Variants in PHF24 observed in about 807,000 individuals in gnomAD.
PHF24 encodes the protein Galpha inhibitory interacting protein.
A neutral mutation model predicts 42.6 loss-of-function variants in PHF24; 25 were observed. The observed-to-expected ratio is 0.59, with a 90% CI of 0.43 to 0.82. PHF24 has a LOEUF of 0.82. Ranked by LOEUF, PHF24 falls within the 40% of genes least tolerant of loss-of-function variation. The pLI, the probability that PHF24 is intolerant of heterozygous loss-of-function variation, is 0.00. For synonymous variants in PHF24, 185 were observed against 204.8 expected (o/e 0.90, Z 0.83); for missense variants, 470 against 538.1 (o/e 0.87, Z 1.25).
chr9:34,751,461 CATTATATA>C, the PHF24 span, among the ~76,000 whole-genome samples: 6 of 152,004 alleles, frequency 3.9e-5, no homozygotes, highest in Non-Finnish European at 8.8e-5. Flanking sequence ...CAAAGAAGGT[CATTATATA>C]ATAATGAAGG....
the PHF24 span, among the ~76,000 whole-genome samples, chr9:34,864,509 GA>G: frequency 9.4e-5 from 14 of 148,730 alleles, no homozygotes; most frequent in Admixed American, 5.4e-4. Flanking sequence ...AGTGCTGAAG[GA>G]AAAAAAAAAC....
chr9:34,926,463 G>A, the PHF24 span, among the ~76,000 whole-genome samples: 17 of 152,178 alleles, frequency 1.1e-4, no homozygotes, highest in Non-Finnish European at 2.5e-4. This position sits in a 1 kb window ranked among gnomAD's most constrained non-coding sequence, Gnocchi z 4.3. Flanking sequence ...GTGATTCATG[G>A]GACATTTTCT....
chr9:34,935,115 G>A, the PHF24 span, among the ~76,000 whole-genome samples: 1 of 152,210 alleles, frequency 6.6e-6, no homozygotes, highest in East Asian at 1.9e-4. Context: ...AGCAAGTGAA[G>A]ATTGTTTACT....
intron 1 of PHF24, among the ~76,000 whole-genome samples, chr9:34,959,232 AT>A (rs1826505432): frequency 6.6e-6 from 1 of 152,228 alleles, no homozygotes; most frequent in Non-Finnish European, 1.5e-5. Flanking sequence ...ATCAGGTGGA[AT>A]AACTGACTTT....
chr9:34,795,003 C>T, the PHF24 span, among the ~76,000 whole-genome samples: 1 of 151,748 alleles, frequency 6.6e-6, no homozygotes, highest in Non-Finnish European at 1.5e-5. Context: ...GGAATAAATA[C>T]AAAGAAATTT....
At chr9:34,960,592 C>G (rs2132852716) in intron 1 of PHF24, among the ~76,000 whole-genome samples, 2 of 152,248 alleles carry the variant, frequency 1.3e-5, no homozygotes, top group South Asian at 4.1e-4. Context: ...AAGATATGAT[C>G]TTTGTTCCAG....
chr9:34,665,824 G>A, the PHF24 span: 2 of 612,340 alleles, frequency 3.3e-6, no homozygotes, highest in Non-Finnish European at 5.8e-6. Context: ...GACAGGGTGG[G>A]CTTGGAGATT....
At chr9:34,797,626 C>T in the PHF24 span, among the ~76,000 whole-genome samples, 1 of 152,008 alleles carries the variant, frequency 6.6e-6, no homozygotes, top group Non-Finnish European at 1.5e-5. Context: ...GGTGTGCTCC[C>T]CTCAATGGCT....
chr9:34,894,253 C>G, the PHF24 span, among the ~76,000 whole-genome samples: 1 of 152,116 alleles, frequency 6.6e-6, no homozygotes, highest in South Asian at 2.1e-4. Context: ...AATTGGGTGA[C>G]CCTTCCCTCC....
the PHF24 span, among the ~76,000 whole-genome samples, chr9:34,686,609 G>C: frequency 6.6e-6 from 1 of 152,218 alleles, no homozygotes; most frequent in African/African-American, 2.4e-5. Flanking sequence ...CAAAGGCTAA[G>C]AGCAACCTGA....
the PHF24 span, among the ~76,000 whole-genome samples, chr9:34,909,859 C>T: frequency 4.6e-5 from 7 of 152,142 alleles, no homozygotes; most frequent in African/African-American, 1.7e-4. Context: ...CATCTTCTGA[C>T]CTCGTGATCT....
chr9:34,695,509 A>G, the PHF24 span, among the ~76,000 whole-genome samples: 1 of 152,186 alleles, frequency 6.6e-6, no homozygotes, highest in Admixed American at 6.5e-5. Context: ...TGGGTTGTGG[A>G]AACCCTTATT....
chr9:34,760,928 G>A, the PHF24 span, among the ~76,000 whole-genome samples: 1 of 151,950 alleles, frequency 6.6e-6, no homozygotes. Flanking sequence ...GGAGGTAGAG[G>A]CTGCAGTGAG....
chr9:34,859,723 C>A, the PHF24 span, among the ~76,000 whole-genome samples: 1 of 152,208 alleles, frequency 6.6e-6, no homozygotes, highest in South Asian at 2.1e-4. Flanking sequence ...ATTAGGCAGA[C>A]CCATAACTAT....
At chr9:34,797,489 A>T in the PHF24 span, among the ~76,000 whole-genome samples, 2 of 152,106 alleles carry the variant, frequency 1.3e-5, no homozygotes, top group Non-Finnish European at 2.9e-5. Context: ...TGGATTGGGA[A>T]GGTTCTCCCC....
the PHF24 span, among the ~76,000 whole-genome samples, chr9:34,874,759 T>C: frequency 2.6e-5 from 4 of 152,188 alleles, no homozygotes; most frequent in African/African-American, 9.7e-5. Context: ...GTAGTGTCCG[T>C]TTTCACTAGA....
chr9:34,671,510 T>C, the PHF24 span, among the ~76,000 whole-genome samples: 72 of 152,336 alleles, frequency 4.7e-4, no homozygotes, highest in African/African-American at 1.7e-3. Flanking sequence ...TTGGGTTTTA[T>C]ACCCCAGGGC....
At chr9:34,865,103 C>T in the PHF24 span, among the ~76,000 whole-genome samples, 16 of 130,580 alleles carry the variant, frequency 1.2e-4, no homozygotes, top group East Asian at 2.3e-4. Context: ...CACTTGAACC[C>T]GGGAGGCAGA....
chr9:34,710,681 C>T, the PHF24 span, among the ~76,000 whole-genome samples: 4,830 of 151,786 alleles, frequency 0.032, 108 homozygotes, highest in African/African-American at 0.061. Flanking sequence ...GATGTCTAGC[C>T]CAGGCTAGTC....
Sources: allele counts gnomAD v4.1 joint callset (sites outside exome capture counted in the v4.1 genomes callset), GRCh38; gene constraint gnomAD v4.1.1; non-coding constraint Gnocchi (gnomAD v3.1); transcripts MANE v1.5; gene names NCBI Gene and HGNC (gene_info 2026-07-23, HGNC 2026-07-21).